Variants in ANKRD11 observed in about 807,000 individuals in gnomAD.
ANKRD11 encodes ankyrin repeat domain 11.
ANKRD11 carries 17 observed loss-of-function variants against 195.7 expected under a neutral mutation model. The observed-to-expected ratio is 0.09, with a 90% CI of 0.06 to 0.13. ANKRD11 has a LOEUF of 0.13. Among genes scored for constraint, ANKRD11 ranks in the 10% least tolerant of loss-of-function variants. ANKRD11 has a pLI of 1.00. For missense variants in ANKRD11, 3,735 were observed against 3,566.1 expected (o/e 1.05, Z -1.21); for synonymous variants, 1,953 against 1,528.1 (o/e 1.28, Z -6.49).
chr16:89,307,722 G>C lies in ANKRD11; in HGVS notation c.88-2378C>G, dbSNP rs574335826. 7.9e-5 allele frequency among the ~76,000 whole-genome samples: 12 copies of C among 152,384 alleles called. No individual in the cohort carries two copies. In the South Asian group the frequency reaches 2.5e-3, roughly 32 times the overall value. ...TTTTCTATGGCCCCCTCGGAGTGCA[G>C]TCCCCACCTGGAATGAGATAGGCAT... On this transcript the variant is annotated intron_variant, in intron 3 of 12. Transcript: ENST00000301030.
intron 2 of ANKRD11, among the ~76,000 whole-genome samples, chr16:89,330,045 TTTTG>T (rs769760532): frequency 4.6e-5 from 7 of 151,194 alleles, no homozygotes; most frequent in African/African-American, 9.7e-5. Context: ...AAACATAAAA[TTTTG>T]TTTATGTATT....
chr16:89,305,332 C>G lies in ANKRD11; in HGVS notation c.100G>C (p.Val34Leu). 6.2e-7 allele frequency: 1 copy of G among 1,614,002 alleles called. No individual in the cohort carries two copies. Among genetic ancestry groups the G allele is most frequent in the South Asian group, 1.1e-5 (1 of 91,088 alleles). The change falls in exon 4 of 13, where the codon GTT becomes CTT. Residue 34 changes from valine (V) to leucine (L), a missense_variant. Transcript: ENST00000301030. The part of the protein sequence containing the change: ...KQTGKKDKDK[V>L]SLTKTPKLER... ...AGTTTTGGGGTCTTGGTTAGAGAAA[C>G]TTTATCTTTATCCTAGAAAAGAAAG... is the stretch of plus-strand genomic sequence containing the variant.
At chr16:89,349,652 T>C (rs973556910) in intron 2 of ANKRD11, among the ~76,000 whole-genome samples, 1 of 152,178 alleles carries the variant, frequency 6.6e-6, no homozygotes, top group Non-Finnish European at 1.5e-5. Flanking sequence ...ACAAAAATTA[T>C]TTCATAATTG....
chr16:89,380,442 A>G (rs1163085804), intron 2 of ANKRD11, among the ~76,000 whole-genome samples: 1 of 152,050 alleles, frequency 6.6e-6, no homozygotes, highest in African/African-American at 2.4e-5. Flanking sequence ...CTTTTCTCCT[A>G]AGTGGATTAG....
chr16:89,470,133 CCTGAA>C, intron 1 of ANKRD11, among the ~76,000 whole-genome samples: 1 of 151,874 alleles, frequency 6.6e-6, no homozygotes, highest in East Asian at 2.0e-4. Flanking sequence ...GTCTCCGTGT[CCTGAA>C]CTTGTGATCT....
intron 2 of ANKRD11, among the ~76,000 whole-genome samples, chr16:89,318,086 C>T (rs1481667397): frequency 1.3e-5 from 2 of 152,208 alleles, no homozygotes; most frequent in African/African-American, 4.8e-5. Context: ...AGGCCTTCCC[C>T]GAGCCCCTGC....
chr16:89,379,030 T>C (rs2040537029), intron 2 of ANKRD11, among the ~76,000 whole-genome samples: 1 of 152,238 alleles, frequency 6.6e-6, no homozygotes, highest in Admixed American at 6.5e-5. Flanking sequence ...CAAGCCGGGC[T>C]GAGGCATTCA....
chr16:89,292,076 G>T (rs2035096618), intron 4 of ANKRD11, among the ~76,000 whole-genome samples: 1 of 152,210 alleles, frequency 6.6e-6, no homozygotes. Context: ...TCCTCCAGCT[G>T]CCCTGCGGGT....
At chr16:89,402,643 G>A (rs1452172398) in intron 2 of ANKRD11, among the ~76,000 whole-genome samples, 1 of 150,572 alleles carries the variant, frequency 6.6e-6, no homozygotes, top group South Asian at 2.1e-4. Context: ...GGGTGGGGGG[G>A]GCAGCACTGC....
intron 2 of ANKRD11, among the ~76,000 whole-genome samples, chr16:89,387,961 C>A (rs554539429): frequency 1.7e-4 from 26 of 148,624 alleles, no homozygotes; most frequent in African/African-American, 5.7e-4. Context: ...TGCAGTGAGC[C>A]GAGATGGTGC....
At chr16:89,292,862 G>A (rs925264121) in intron 4 of ANKRD11, among the ~76,000 whole-genome samples, 6 of 152,230 alleles carry the variant, frequency 3.9e-5, no homozygotes, top group Non-Finnish European at 5.9e-5. Context: ...CTCTGCGTGC[G>A]CCCCATGCTT....
At chr16:89,397,278 A>T (rs1419667781) in intron 2 of ANKRD11, among the ~76,000 whole-genome samples, 2 of 152,240 alleles carry the variant, frequency 1.3e-5, no homozygotes, top group African/African-American at 4.8e-5. Flanking sequence ...GACAGACACC[A>T]GCCAAGAACC....
At chr16:89,463,801 A>T (rs1567841162) in intron 1 of ANKRD11, among the ~76,000 whole-genome samples, 1 of 107,486 alleles carries the variant, frequency 9.3e-6, no homozygotes, top group Non-Finnish European at 2.1e-5. Flanking sequence ...TTACCACACA[A>T]GCAATAGACT....
At chr16:89,366,129 CAA>C (rs71387689) in intron 2 of ANKRD11, among the ~76,000 whole-genome samples, 3,101 of 60,138 alleles carry the variant, frequency 0.052, 51 homozygotes, top group African/African-American at 0.14. Flanking sequence ...GACTCCATCT[CAA>C]AAAAAAAAAA....
At position 89,282,969 on chromosome 16, in the gene ANKRD11, G is replaced by A. The variant is rs62000377; in HGVS notation, c.3573C>T (p.Ala1191=). 30 of 1,612,660 alleles carry A rather than the reference G, an allele frequency of 1.9e-5. No homozygotes were observed. Among genetic ancestry groups the A allele is most frequent in the African/African-American group, 5.4e-5 (4 of 74,552 alleles). Residue 1191 remains alanine (A), a synonymous_variant, in exon 9 of 13, where the codon GCC becomes GCT. Coordinates refer to ENST00000301030, the MANE Select transcript of ANKRD11 (RefSeq NM_013275.6). ...PRDRRKDRGA[A]DAGRDKKEKV... is the part of the protein sequence containing the mutation. ...TCTCTTTTTTGTCTCTCCCCGCGTC[G>A]GCAGCCCCTCGGTCCTTTCTCCTGT...
In ANKRD11 at chr16:89,334,345, T is replaced by A. The variant is rs964935185; in HGVS notation, c.-59-17267A>T. Among the ~76,000 whole-genome samples, 5 of 152,024 alleles carry A rather than the reference T, an allele frequency of 3.3e-5. No individual in the cohort carries two copies. The East Asian group carries it at 9.7e-4, about 29-fold the overall frequency. ...CCAAGTTTCTGAAGTTGGTGACATG[T>A]GAGGGTACCCCAAGACTGAACAGAA... is the stretch of plus-strand genomic sequence containing the variant. On this transcript the variant is annotated intron_variant, in intron 2 of 12. Coordinates refer to ENST00000301030, the MANE Select transcript of ANKRD11 (RefSeq NM_013275.6).
At chr16:89,418,762 A>G (rs563552422) in intron 1 of ANKRD11, among the ~76,000 whole-genome samples, 1 of 150,954 alleles carries the variant, frequency 6.6e-6, no homozygotes, top group East Asian at 1.9e-4. Context: ...AGTTTTTAAA[A>G]GGCCTTTTTT....
At chr16:89,476,481 C>A (rs143809359) in intron 1 of ANKRD11, among the ~76,000 whole-genome samples, 249 of 152,328 alleles carry the variant, frequency 1.6e-3, no homozygotes, top group African/African-American at 5.8e-3. Context: ...AAACCAAAAC[C>A]TGGCCAAACC....
At chr16:89,406,384 C>T (rs1036062116) in intron 2 of ANKRD11, among the ~76,000 whole-genome samples, 1 of 152,146 alleles carries the variant, frequency 6.6e-6, no homozygotes, top group South Asian at 2.1e-4. Flanking sequence ...CTGAGGGCGA[C>T]AAAACACCAG....
Sources: gnomAD v4.1 joint callset for allele counts (sites outside exome capture counted in the v4.1 genomes callset) on GRCh38, gnomAD v4.1.1 for gene constraint, MANE v1.5 for transcripts, NCBI Gene and HGNC (gene_info 2026-07-23, HGNC 2026-07-21) for gene names.